BMPR1B: variants seen among roughly 807,000 people sequenced by gnomAD.
BMPR1B encodes the protein bone morphogenetic protein receptor type 1B, also known as bone morphogenetic protein receptor type-1B.
A neutral mutation model predicts 59.1 loss-of-function variants in BMPR1B; 12 were observed. That is an observed-to-expected ratio of 0.20 (90% CI 0.13 to 0.33). BMPR1B has a LOEUF of 0.33. Among genes scored for constraint, BMPR1B ranks in the 10% least tolerant of loss-of-function variants. The pLI, the probability that BMPR1B is intolerant of heterozygous loss-of-function variation, is 1.00. For missense variants in BMPR1B, 550 were observed against 610.9 expected, an observed-to-expected ratio of 0.90 and a Z score of 1.05; for synonymous variants, 237 against 207.3, an observed-to-expected ratio of 1.14 and a Z score of -1.23.
intron 1 of BMPR1B, among the ~76,000 whole-genome samples, chr4:94,795,997 G>A (rs1401015270): frequency 1.3e-5 from 2 of 149,892 alleles, no homozygotes; most frequent in Admixed American, 6.7e-5. Flanking sequence ...TGGAGTCTCC[G>A]TCTGTCTCCC....
At chr4:94,914,231 T>G (rs72887899) in intron 2 of BMPR1B, among the ~76,000 whole-genome samples, 32 of 152,204 alleles carry the variant, frequency 2.1e-4, no homozygotes, top group African/African-American at 7.5e-4. Flanking sequence ...CGAAGATGCC[T>G]TCTAGATTTC....
intron 1 of BMPR1B, among the ~76,000 whole-genome samples, chr4:94,844,012 TG>T (rs1244299079): frequency 6.6e-6 from 1 of 151,684 alleles, no homozygotes; most frequent in South Asian, 2.1e-4. Flanking sequence ...GGCTGGGGTA[TG>T]GGGGGAAATG....
intron 1 of BMPR1B, among the ~76,000 whole-genome samples, chr4:94,833,770 T>C (rs1025065050): frequency 2.6e-5 from 4 of 152,178 alleles, no homozygotes; most frequent in African/African-American, 9.7e-5. Context: ...TCTTAGCACA[T>C]AGGCAAAGGA....
intron 1 of BMPR1B, among the ~76,000 whole-genome samples, chr4:94,788,253 T>C (rs767056269): frequency 6.6e-6 from 1 of 152,142 alleles, no homozygotes; most frequent in Non-Finnish European, 1.5e-5. Flanking sequence ...TTTGAGCTTA[T>C]GACAGTGCAC....
rs115797243 is a variant in BMPR1B at position 94,859,297 on chromosome 4, T to C, written c.-182-16534T>C. 6.8e-3 allele frequency among the ~76,000 whole-genome samples: 1,032 copies of C among 152,286 alleles called. 12 individuals are homozygous for C. The highest frequency in any genetic ancestry group is 0.023 in the African/African-American group (966 of 41,564). On this transcript the variant is annotated intron_variant, in intron 1 of 12. Coordinates refer to ENST00000515059, the MANE Select transcript of BMPR1B (RefSeq NM_001203.3). ...AAAAAAGAATTACTTTTTAACAGGA[T>C]TTTAAAAAAACTTCCGTCTTTTAAA...
chr4:94,793,375 C>T lies in BMPR1B; in HGVS notation c.-183+35307C>T, dbSNP rs1051298797. On this transcript the variant is annotated intron_variant, in intron 1 of 12. Coordinates refer to ENST00000515059, the MANE Select transcript of BMPR1B (RefSeq NM_001203.3). Reference sequence around the variant, plus strand: ...TCATTTTTTATGGCTGCATAGTATTCCATGGTGTATATGTGCCACATTTTC... The same window carrying T: ...TCATTTTTTATGGCTGCATAGTATTTCATGGTGTATATGTGCCACATTTTC... Among the ~76,000 whole-genome samples, 90 of 151,494 alleles carry T rather than the reference C, an allele frequency of 5.9e-4. 2 individuals carry two copies. The highest frequency in any genetic ancestry group is 5.0e-3 in the Admixed American group (77 of 15,254).
intron 10 of BMPR1B, among the ~76,000 whole-genome samples, chr4:95,146,851 C>T (rs1056812770): frequency 6.6e-6 from 1 of 152,190 alleles, no homozygotes; most frequent in African/African-American, 2.4e-5. Context: ...TTTGTAGCAT[C>T]TATTCAATCT....
intron 2 of BMPR1B, among the ~76,000 whole-genome samples, chr4:94,988,835 C>T (rs1721564673): frequency 6.6e-6 from 1 of 151,566 alleles, no homozygotes; most frequent in African/African-American, 2.4e-5. Flanking sequence ...ATGGTAGGTC[C>T]CTAAAGTATG....
intron 2 of BMPR1B, among the ~76,000 whole-genome samples, chr4:94,948,653 G>T (rs897534788): frequency 6.6e-6 from 1 of 152,156 alleles, no homozygotes; most frequent in Non-Finnish European, 1.5e-5. Flanking sequence ...TTATTGAACT[G>T]TACAACCTTG....
chr4:94,824,037 T>C (rs1257052665), intron 1 of BMPR1B, among the ~76,000 whole-genome samples: 11 of 152,220 alleles, frequency 7.2e-5, no homozygotes, highest in African/African-American at 1.2e-4. Context: ...TGAGCCACCG[T>C]GCCCAGCCAC....
intron 1 of BMPR1B, among the ~76,000 whole-genome samples, chr4:94,805,682 T>C (rs771953615): frequency 5.3e-5 from 8 of 152,256 alleles, no homozygotes; most frequent in Middle Eastern, 3.4e-3. Flanking sequence ...CTGATGGGGA[T>C]AGGGGAATTA....
chr4:95,051,562 CG>C, intron 3 of BMPR1B: 1 of 717,494 alleles, frequency 1.4e-6, no homozygotes, highest in Non-Finnish European at 2.3e-6. Flanking sequence ...TTGTCTTTCA[CG>C]GTCCTGTCTC....
rs537647324 is a variant in BMPR1B at position 94,825,871 on chromosome 4, G to C, written c.-182-49960G>C. On this transcript the variant is annotated intron_variant, in intron 1 of 12. Transcript: ENST00000515059. ...TTTATAAGTACACATTACATTTGTA[G>C]AGAATTAAAAATACCACAACAAAGG... Among the ~76,000 whole-genome samples, 76 of 152,220 alleles carry C rather than the reference G, an allele frequency of 5.0e-4. 1 individual carries two copies. Among genetic ancestry groups the C allele is most frequent in the African/African-American group, 1.8e-3 (73 of 41,550 alleles).
intron 2 of BMPR1B, among the ~76,000 whole-genome samples, chr4:94,972,260 C>G (rs1388080763): frequency 6.6e-6 from 1 of 151,172 alleles, no homozygotes; most frequent in Non-Finnish European, 1.5e-5. Flanking sequence ...TCAATTTCTT[C>G]TCTTGCTAGC....
intron 2 of BMPR1B, among the ~76,000 whole-genome samples, chr4:94,939,451 A>T (rs1729432060): frequency 6.6e-6 from 1 of 152,216 alleles, no homozygotes; most frequent in African/African-American, 2.4e-5. Context: ...AAAGACTGTA[A>T]CTTGAAAGTA....
intron 2 of BMPR1B, among the ~76,000 whole-genome samples, chr4:94,990,283 A>G (rs1721652534): frequency 6.6e-6 from 1 of 152,134 alleles, no homozygotes; most frequent in Admixed American, 6.5e-5. Context: ...TGAACCTGGG[A>G]GGTGGAGGCT....
rs115612454 is a variant in BMPR1B, at chr4:94,853,702, G to A, written c.-182-22129G>A. Among the ~76,000 whole-genome samples, 1,444 of 152,072 alleles carry A rather than the reference G, an allele frequency of 9.5e-3. 22 individuals carry two copies. Among genetic ancestry groups the A allele is most frequent in the African/African-American group, 0.033 (1,382 of 41,486 alleles). On this transcript the variant is annotated intron_variant, in intron 1 of 12. Transcript: ENST00000515059. ...CATGGTCAGACTAGCAGCACATGCC[G>A]CCATCAGACTTCAGACACTCTCTGA...
In BMPR1B at chr4:94,902,249, C is replaced by CAGAGAG. The variant is rs142124519; in HGVS notation, c.-113+26389_-113+26394dup. ...ACACACACACACACACACACACACACAGAGAGAGAGAGAGAGAGAGAGAGA... is the reference window on the plus strand; with the variant it reads ...ACACACACACACACACACACACACACAGAGAGAGAGAGAGAGAGAGAGAGAGAGAGA... On this transcript the variant is annotated intron_variant, in intron 2 of 12. Transcript: ENST00000515059. 3.9e-4 allele frequency among the ~76,000 whole-genome samples: 27 copies of CAGAGAG among 69,026 alleles called. No homozygotes were observed. The East Asian group carries it at 0.01, about 26-fold the overall frequency. The allele number at this position is 69,026 out of a possible 152,430, so 45.3% of individuals were successfully genotyped here. A position where few individuals can be genotyped will look rare whatever the true frequency, so the allele number is the denominator to read the frequency against.
At chr4:95,115,853 G>C in intron 6 of BMPR1B, 66 bp downstream of exon 6, 1 of 1,414,460 alleles carries the variant, frequency 7.1e-7, no homozygotes, top group Non-Finnish European at 9.9e-7. Context: ...CTAAAAACTA[G>C]AATCGTTCTC....
Sources: allele counts gnomAD v4.1 joint callset (sites outside exome capture counted in the v4.1 genomes callset), GRCh38; gene constraint gnomAD v4.1.1; transcripts MANE v1.5; gene names NCBI Gene and HGNC (gene_info 2026-07-23, HGNC 2026-07-21).